PYGM: variants seen among roughly 807,000 people sequenced by gnomAD.
PYGM encodes glycogen phosphorylase, muscle form.
A neutral mutation model predicts 99.3 loss-of-function variants in PYGM; 81 were observed. The ratio of observed to expected loss-of-function variants is 0.82; its 90% confidence interval spans 0.68 to 0.98. PYGM has a LOEUF of 0.98. PYGM is among the 50% of genes least tolerant of loss of function. The probability of loss-of-function intolerance (pLI) is 0.00; values close to 1 mark genes in which losing one functional copy is unlikely to be tolerated. For missense variants in PYGM, 1,030 were observed against 1,158.1 expected (o/e 0.89, Z 1.61); for synonymous variants, 436 against 451.5 (o/e 0.97, Z 0.44).
At chr11:64,753,396 C>T (rs2058369938) in intron 11 of PYGM, 123 bp downstream of exon 11, 3 of 1,384,526 alleles carry the variant, frequency 2.2e-6, no homozygotes, top group Non-Finnish European at 2.9e-6. Context: ...AATGACGCCA[C>T]CTGTGAAAGG....
At chr11:64,749,458 T>C (rs971430585) in intron 17 of PYGM, among the ~76,000 whole-genome samples, 3 of 151,896 alleles carry the variant, frequency 2.0e-5, no homozygotes, top group Non-Finnish European at 2.9e-5. Flanking sequence ...CTGGCTAACA[T>C]GGTGAAACCC....
intron 17 of PYGM, 187 bp from the exon 18 acceptor site, chr11:64,747,545 C>T: frequency 2.9e-6 from 2 of 684,738 alleles, no homozygotes; most frequent in East Asian, 2.8e-5. Flanking sequence ...TTCATCCCTC[C>T]TTTGTGAATG....
Position 64,751,695 on chromosome 11 carries a change from C to A in PYGM, c.1769-40G>T, listed in dbSNP as rs374223531. ...GAGGGATCCAGTGGGCCTACCTTTC[C>A]CTCTGGGTAGTAGCTCCTGACAGAG... On this transcript the variant is annotated intron_variant, in intron 14 of 19. Transcript: ENST00000164139. The A allele has an allele frequency of 2.3e-5, 37 of 1,610,788 alleles. No homozygotes were observed. In the African/African-American group the frequency reaches 4.8e-4, roughly 21 times the overall value.
chr11:64,749,755 C>A (rs2058340769), intron 17 of PYGM, among the ~76,000 whole-genome samples: 1 of 151,938 alleles, frequency 6.6e-6, no homozygotes, highest in African/African-American at 2.4e-5. Flanking sequence ...CTACTGTGCC[C>A]ATATTTCCCT....
At position 64,759,942 on chromosome 11, in the gene PYGM, C is replaced by G. The variant is rs775001981; in HGVS notation, c.-44G>C. 2 of 1,607,464 alleles carry G rather than the reference C, an allele frequency of 1.2e-6. No homozygotes were observed. Among genetic ancestry groups the G allele is most frequent in the Non-Finnish European group, 1.7e-6 (2 of 1,176,218 alleles). On this transcript the variant is annotated 5_prime_UTR_variant, in exon 1 of 20. Transcript: ENST00000164139. Reference sequence around the variant, plus strand: ...CGGACTGGACTGATGGTAGAGGGGACGGCGGCCTCAGCACTGCCTCCAGCC... The same window carrying G: ...CGGACTGGACTGATGGTAGAGGGGAGGGCGGCCTCAGCACTGCCTCCAGCC...
At position 64,754,065 on chromosome 11, in the gene PYGM, C is replaced by A. The variant is rs761909296; in HGVS notation, c.1093-40G>T. On this transcript the variant is annotated intron_variant, in intron 9 of 19. Coordinates refer to ENST00000164139, the MANE Select transcript of PYGM (RefSeq NM_005609.4). This position sits in a 1 kb window ranked among gnomAD's most constrained non-coding sequence, Gnocchi z 5.5. ...GGGCAGTCAGGATGCTGACCTCAGC[C>A]CAGTGGGTCTCCTCACACACTACGC... 3 of 1,596,976 alleles carry A rather than the reference C, an allele frequency of 1.9e-6. No homozygotes were observed. The Admixed American group carries it at 5.3e-5, about 28-fold the overall frequency.
intron 16 of PYGM, 41 bp downstream of exon 16, chr11:64,751,284 C>T: frequency 6.2e-7 from 1 of 1,613,308 alleles, no homozygotes; most frequent in Non-Finnish European, 8.5e-7. Flanking sequence ...TGAGACTGAA[C>T]TAGTCAGAGC....
At position 64,754,677 on chromosome 11, in the gene PYGM, T is replaced by A; in HGVS notation, c.999+16A>T. The stretch of plus-strand genomic sequence containing the variant: ...ACACTGTCCGGTCACAGAGTCGCCC[T>A]CCACACGCATGGTACCTTATCTGGG... On this transcript the variant is annotated intron_variant, in intron 8 of 19. Coordinates refer to ENST00000164139, the MANE Select transcript of PYGM (RefSeq NM_005609.4). This position sits in a 1 kb window ranked among gnomAD's most constrained non-coding sequence, Gnocchi z 5.5. 2 of 1,612,582 alleles carry A rather than the reference T, an allele frequency of 1.2e-6. No individual in the cohort carries two copies. The highest frequency in any genetic ancestry group is 2.7e-5 in the African/African-American group (2 of 74,988).
At chr11:64,752,614 TG>T (rs1424604708) in intron 12 of PYGM, 110 bp from the exon 13 acceptor site, 2 of 1,160,828 alleles carry the variant, frequency 1.7e-6, no homozygotes, top group Non-Finnish European at 2.5e-6. Context: ...CAGGCTGCTC[TG>T]GGGGCCCTCC....
chr11:64,759,976 G>C, upstream of PYGM: 1 of 1,582,204 alleles, frequency 6.3e-7, no homozygotes, highest in Non-Finnish European at 8.6e-7. Flanking sequence ...CCAAGGAGTG[G>C]AGCTCCCCAG....
rs1565536032 is a variant in PYGM, at chr11:64,754,423, C to T, written c.1000-78G>A. 5.3e-6 allele frequency: 7 copies of T among 1,323,938 alleles called. No homozygotes were observed. Among genetic ancestry groups the T allele is most frequent in the Admixed American group, 1.8e-5 (1 of 55,766 alleles). The allele number at this position is 1,323,938 out of a possible 1,614,324, so 82.0% of individuals were successfully genotyped here. A position where few individuals can be genotyped will look rare whatever the true frequency, so the allele number is the denominator to read the frequency against. On this transcript the variant is annotated intron_variant, in intron 8 of 19. Coordinates refer to ENST00000164139, the MANE Select transcript of PYGM (RefSeq NM_005609.4). This position sits in a 1 kb window ranked among gnomAD's most constrained non-coding sequence, Gnocchi z 5.5. ...GTCACTGCCCTATGCCATTTGGAGG[C>T]CCCCAGAGAGCCCAGCACGGTTCTG... is the stretch of plus-strand genomic sequence containing the variant.
At position 64,755,529 on chromosome 11, in the gene PYGM, G is replaced by A. The variant is rs946190237; in HGVS notation, c.690C>T (p.Pro230=). 3.3e-5 allele frequency: 54 copies of A among 1,614,110 alleles called. No individual in the cohort carries two copies. The highest frequency in any genetic ancestry group is 4.3e-5 in the Non-Finnish European group (51 of 1,179,998). Residue 230 remains proline (P), a synonymous_variant, in exon 6 of 20, where the codon CCC becomes CCT. Transcript: ENST00000164139. This position sits in a 1 kb window ranked among gnomAD's most constrained non-coding sequence, Gnocchi z 4.1. Reference sequence around the variant, plus strand: ...CAACATTGTTGCGATAGCCAGGCACGGGCGTATCGTAGGGCATGGCCAGTA... The same window carrying A: ...CAACATTGTTGCGATAGCCAGGCACAGGCGTATCGTAGGGCATGGCCAGTA... The part of the protein sequence containing the change: ...QVVLAMPYDT[P]VPGYRNNVVN...
At position 64,754,443 on chromosome 11, in the gene PYGM, G is replaced by A; in HGVS notation, c.1000-98C>T. ...GGAGGCCCCCAGAGAGCCCAGCACG[G>A]TTCTGTGACTGGGCTGTGGGCAGAG... On this transcript the variant is annotated intron_variant, in intron 8 of 19. Transcript: ENST00000164139. This position sits in a 1 kb window ranked among gnomAD's most constrained non-coding sequence, Gnocchi z 5.5. 2.9e-6 allele frequency: 3 copies of A among 1,028,224 alleles called. No individual in the cohort carries two copies. The highest frequency in any genetic ancestry group is 4.2e-6 in the Non-Finnish European group (3 of 713,096). 63.7% of individuals were successfully genotyped at this position (1,028,224 alleles called of 1,614,324 possible).
In PYGM at chr11:64,753,607, G is replaced by A. The variant is rs758774720; in HGVS notation, c.1315C>T (p.Arg439Cys). 84 of 1,608,400 alleles carry A rather than the reference G, an allele frequency of 5.2e-5. No homozygotes were observed. Among genetic ancestry groups the A allele is most frequent in the Non-Finnish European group, 6.7e-5 (79 of 1,179,204 alleles). Residue 439 changes from arginine to cysteine, a missense_variant, in exon 11 of 20, where the codon CGC (arginine) becomes TGC (cysteine). Physicochemically the swap from Arg to Cys is radical, Grantham distance 180. Coordinates refer to ENST00000164139, the MANE Select transcript of PYGM (RefSeq NM_005609.4). The stretch of plus-strand genomic sequence containing the variant: ...ATGCACAGGTGTGCCATGTTGATGC[G>A]CTTCACTGCGCCCTCCTCCACCAGC... ...MSLVEEGAVK[R>C]INMAHLCIAG...
chr11:64,753,611 C>T lies in PYGM; in HGVS notation c.1311G>A (p.Val437=). 1.2e-6 allele frequency: 2 copies of T among 1,608,850 alleles called. No individual in the cohort carries two copies. Among genetic ancestry groups the T allele is most frequent in the Middle Eastern group, 1.7e-4 (1 of 6,038 alleles). Reference sequence around the variant, plus strand: ...ACAGGTGTGCCATGTTGATGCGCTTCACTGCGCCCTCCTCCACCAGCGACA... The same window carrying T: ...ACAGGTGTGCCATGTTGATGCGCTTTACTGCGCCCTCCTCCACCAGCGACA... ...RRMSLVEEGA[V]KRINMAHLCI... Residue 437 remains valine (V), a synonymous_variant, in exon 11 of 20, where the codon GTG becomes GTA. Coordinates refer to ENST00000164139, the MANE Select transcript of PYGM (RefSeq NM_005609.4).
rs2058407955 is a variant in PYGM, at chr11:64,758,318, G to C, written c.456C>G (p.Gly152=). Reference sequence around the variant, plus strand: ...GAATCCCGTAGCCATAGGCGGCCAGGCCCAGTGTTGCCATGGAGTCAAGAA... The same window carrying C: ...GAATCCCGTAGCCATAGGCGGCCAGCCCCAGTGTTGCCATGGAGTCAAGAA... ...ACFLDSMATL[G]LAAYGYGIRY... The change falls in exon 4 of 20, where the codon GGC becomes GGG. Residue 152 remains glycine (G), a synonymous_variant. Transcript: ENST00000164139. The C allele has an allele frequency of 6.2e-7, 1 of 1,613,922 alleles. No individual in the cohort carries two copies. Among genetic ancestry groups the C allele is most frequent in the Admixed American group, 1.7e-5 (1 of 60,008 alleles).
Position 64,758,247 on chromosome 11 carries a change from T to C in PYGM, c.527A>G (p.Gln176Arg). The C allele has an allele frequency of 6.2e-7, 1 of 1,611,062 alleles. No individual in the cohort carries two copies. The change falls in exon 4 of 20, where the codon CAG becomes CGG. Residue 176 changes from glutamine to arginine, a missense_variant and splice_region_variant. By Grantham distance (43) the Gln-to-Arg change is conservative (BLOSUM62 1). Transcript: ENST00000164139. Reference protein sequence around the residue: ...IFNQKISGGWQMEEADDWLRY... With the variant: ...IFNQKISGGWRMEEADDWLRY... Reference sequence around the variant, plus strand: ...CAAGTTAGAGCCAAGGCTGCTCACCTGCCAGCCCCCGGAGATCTTCTGGTT... The same window carrying C: ...CAAGTTAGAGCCAAGGCTGCTCACCCGCCAGCCCCCGGAGATCTTCTGGTT...
rs555316654 is a variant in PYGM at position 64,751,559 on chromosome 11, A to G, written c.1827+38T>C. The G allele has an allele frequency of 1.2e-5, 20 of 1,613,994 alleles. No homozygotes were observed. In the East Asian group the frequency reaches 1.8e-4, roughly 14 times the overall value. ...GGGCTGACCTCAACCTGGATATATC[A>G]AAGGACGGGAGCCCAGGGCTGGAGC... On this transcript the variant is annotated intron_variant, in intron 15 of 19. Transcript: ENST00000164139.
At position 64,754,760 on chromosome 11, in the gene PYGM, C is replaced by T. The variant is rs147851780; in HGVS notation, c.932G>A (p.Arg311His). ...GCAGCCGAACTTGGAAGACTTGAAG[C>T]GACGGATGATGTCCTGGAGGGTGGC... ...VAATLQDIIR[R>H]FKSSKFGCRD... Residue 311 changes from arginine to histidine, a missense_variant, in exon 8 of 20, where the codon CGC (arginine) becomes CAC (histidine). Transcript: ENST00000164139. This position sits in a 1 kb window ranked among gnomAD's most constrained non-coding sequence, Gnocchi z 5.5. 9.9e-6 allele frequency: 16 copies of T among 1,613,754 alleles called. No individual in the cohort carries two copies. The Admixed American group carries it at 1.3e-4, about 13-fold the overall frequency.
Sources: allele counts gnomAD v4.1 joint callset (sites outside exome capture counted in the v4.1 genomes callset), GRCh38; gene constraint gnomAD v4.1.1; non-coding constraint Gnocchi (gnomAD v3.1); transcripts MANE v1.5; gene names NCBI Gene and HGNC (gene_info 2026-07-23, HGNC 2026-07-21).